ANKS1B: variants seen among roughly 807,000 people sequenced by gnomAD.
ANKS1B encodes ankyrin repeat and sterile alpha motif domain containing 1B.
ANKS1B carries 36 observed loss-of-function variants against 148.3 expected under a neutral mutation model. The ratio of observed to expected loss-of-function variants is 0.24; its 90% CI spans 0.19 to 0.32. The LOEUF (loss-of-function observed/expected upper bound fraction) is 0.32, where lower values mean the gene tolerates loss of function less well. Ranked by LOEUF, ANKS1B falls within the 10% of genes least tolerant of loss-of-function variation. ANKS1B has a pLI of 1.00. For synonymous variants in ANKS1B, 542 were observed against 560.8 expected, an observed-to-expected ratio of 0.97 and a Z score of 0.47; for missense variants, 1,157 against 1,542.6, an observed-to-expected ratio of 0.75 and a Z score of 4.19.
rs1325821116 is a variant in ANKS1B, at chr12:98,745,732, G to A, written c.*7C>T. 1 of 1,613,334 alleles carries A rather than the reference G, an allele frequency of 6.2e-7. No homozygotes were observed. The highest frequency in any genetic ancestry group is 1.1e-5 in the South Asian group (1 of 90,970). On this transcript the variant is annotated 3_prime_UTR_variant, in exon 27 of 27. Transcript: ENST00000683438. ...AAGGCACCGCGAGGACAGGAGGACG[G>A]CGAGTATCAGAAAATCGTGGTTTCA...
At chr12:99,917,742 C>T (rs1026413204) in intron 1 of ANKS1B, among the ~76,000 whole-genome samples, 34 of 152,198 alleles carry the variant, frequency 2.2e-4, no homozygotes, top group African/African-American at 7.2e-4. Flanking sequence ...ACTAGCATTC[C>T]ATCAAGCTGA....
rs752964424 is a variant in ANKS1B at position 98,773,186 on chromosome 12, G to T, written c.3442-7C>A. 1.9e-6 allele frequency: 3 copies of T among 1,601,616 alleles called. No individual in the cohort carries two copies. The highest frequency in any genetic ancestry group is 2.6e-6 in the Non-Finnish European group (3 of 1,174,364). On this transcript the variant is annotated splice_region_variant and splice_polypyrimidine_tract_variant and intron_variant, in intron 24 of 26. Coordinates refer to ENST00000683438, the MANE Select transcript of ANKS1B (RefSeq NM_001352186.2). ...CATGCTCAGCAATTATGTTCTGGAA[G>T]AAATGACATAAATGATCATTGTTTT... is the stretch of plus-strand genomic sequence containing the variant.
At chr12:99,480,453 T>C (rs1433916543) in intron 10 of ANKS1B, among the ~76,000 whole-genome samples, 1 of 151,876 alleles carries the variant, frequency 6.6e-6, no homozygotes, top group Non-Finnish European at 1.5e-5. Flanking sequence ...GAATACCACA[T>C]GTTGTGATAG....
At chr12:99,218,975 A>G (rs984890825) in intron 14 of ANKS1B, among the ~76,000 whole-genome samples, 2 of 152,226 alleles carry the variant, frequency 1.3e-5, no homozygotes, top group African/African-American at 4.8e-5. Context: ...ATATGAAACC[A>G]TGCTATTTAG....
rs1042199741 is a variant in ANKS1B, at chr12:99,974,807, G to C, written c.134+9297C>G. 2.0e-5 allele frequency among the ~76,000 whole-genome samples: 3 copies of C among 151,952 alleles called. No individual in the cohort carries two copies. In the South Asian group the frequency reaches 6.2e-4, roughly 32 times the overall value. On this transcript the variant is annotated intron_variant, in intron 1 of 26. Coordinates refer to ENST00000683438, the MANE Select transcript of ANKS1B (RefSeq NM_001352186.2). ...TGGATTCAAGTGATCCTCCTACCTT[G>C]GCCTCCCAAAGAGCTGGGATTACGG...
chr12:99,693,306 C>T (rs931674528), intron 8 of ANKS1B, among the ~76,000 whole-genome samples: 1 of 152,120 alleles, frequency 6.6e-6, no homozygotes, highest in Non-Finnish European at 1.5e-5. Flanking sequence ...AACAAAAGAA[C>T]TGTTGGAGTA....
At chr12:99,976,310 T>C (rs1289987996) in intron 1 of ANKS1B, among the ~76,000 whole-genome samples, 2 of 152,220 alleles carry the variant, frequency 1.3e-5, no homozygotes, top group Non-Finnish European at 2.9e-5. Flanking sequence ...ATGTAACTAA[T>C]CTACATACAT....
intron 12 of ANKS1B, among the ~76,000 whole-genome samples, chr12:99,346,124 T>C (rs575664911): frequency 6.6e-6 from 1 of 152,134 alleles, no homozygotes; most frequent in South Asian, 2.1e-4. Context: ...CAATTTATTA[T>C]CCTTGTCTTT....
intron 15 of ANKS1B, chr12:99,097,553 GATC>G (rs2056604926): frequency 6.6e-6 from 1 of 152,078 alleles, no homozygotes; most frequent in Non-Finnish European, 1.5e-5. Context: ...TAATTATAAT[GATC>G]ATAAGGTTGA....
intron 25 of ANKS1B, among the ~76,000 whole-genome samples, chr12:98,758,865 C>T (rs1454876383): frequency 6.8e-6 from 1 of 146,128 alleles, no homozygotes; most frequent in African/African-American, 2.5e-5. Context: ...ACTGCCATCT[C>T]CACCTCCCGG....
intron 12 of ANKS1B, among the ~76,000 whole-genome samples, chr12:99,358,392 C>T (rs529042920): frequency 6.6e-6 from 1 of 151,998 alleles, no homozygotes; most frequent in Non-Finnish European, 1.5e-5. Context: ...TTCATTCTTC[C>T]CATAACATGT....
chr12:99,874,358 A>T lies in ANKS1B; in HGVS notation c.135-48969T>A, dbSNP rs553506729. Among the ~76,000 whole-genome samples, 9 of 152,262 alleles carry T rather than the reference A, an allele frequency of 5.9e-5. No individual in the cohort carries two copies. The South Asian group carries it at 1.9e-3, about 32-fold the overall frequency. The stretch of plus-strand genomic sequence containing the variant: ...AAATCCCCAAAAACTTCCCACAAGA[A>T]CTGTTACAGCTCACCAATTCTGTAT... On this transcript the variant is annotated intron_variant, in intron 1 of 26. Transcript: ENST00000683438.
intron 12 of ANKS1B, among the ~76,000 whole-genome samples, chr12:99,273,264 G>A (rs534102554): frequency 6.6e-6 from 1 of 152,188 alleles, no homozygotes; most frequent in African/African-American, 2.4e-5. Context: ...GGGCCCAAAG[G>A]TCTCTTAATA....
intron 10 of ANKS1B, among the ~76,000 whole-genome samples, chr12:99,452,200 C>T (rs560832243): frequency 1.4e-4 from 22 of 151,944 alleles, no homozygotes; most frequent in African/African-American, 4.8e-4. Flanking sequence ...TGGGTGTGTC[C>T]GTATTCCAAG....
intron 10 of ANKS1B, among the ~76,000 whole-genome samples, chr12:99,466,133 C>T (rs988224338): frequency 6.6e-6 from 1 of 152,200 alleles, no homozygotes; most frequent in African/African-American, 2.4e-5. Flanking sequence ...GATTAAGAAA[C>T]TCACTCAAAA....
At chr12:99,735,520 G>T (rs1490488871) in intron 8 of ANKS1B, among the ~76,000 whole-genome samples, 1 of 152,060 alleles carries the variant, frequency 6.6e-6, no homozygotes, top group Non-Finnish European at 1.5e-5. Flanking sequence ...AGAGGAAGTG[G>T]ATAAATTCCT....
chr12:99,432,833 T>A (rs927668874), intron 11 of ANKS1B, among the ~76,000 whole-genome samples: 1 of 152,138 alleles, frequency 6.6e-6, no homozygotes, highest in Middle Eastern at 3.2e-3. Flanking sequence ...TCTAAGGTAC[T>A]GTTGGGAAGA....
chr12:99,949,320 T>G (rs1025028401), intron 1 of ANKS1B, among the ~76,000 whole-genome samples: 50 of 152,046 alleles, frequency 3.3e-4, no homozygotes, highest in Admixed American at 6.6e-4. Context: ...TATACACAGT[T>G]TTGAAAAGCT....
chr12:99,726,646 T>A (rs2372899), intron 8 of ANKS1B, among the ~76,000 whole-genome samples: 66,330 of 151,976 alleles, frequency 0.44, 14,875 homozygotes, highest in South Asian at 0.61. Flanking sequence ...TATGAGGCCA[T>A]CATCATCCTG....
Sources: allele counts gnomAD v4.1 joint callset (sites outside exome capture counted in the v4.1 genomes callset), GRCh38; gene constraint gnomAD v4.1.1; transcripts MANE v1.5; gene names NCBI Gene and HGNC (gene_info 2026-07-23, HGNC 2026-07-21).